The following NCAPD3 variants were observed in gnomAD, a reference collection of about 807,000 sequenced individuals.
The protein encoded by NCAPD3 is non-SMC condensin II complex subunit D3.
NCAPD3 carries 105 observed loss-of-function variants against 182.9 expected under a neutral mutation model. The observed-to-expected ratio is 0.57, with a 90% CI of 0.49 to 0.68. The LOEUF is 0.68. Among genes scored for constraint, NCAPD3 ranks in the 30% least tolerant of loss-of-function variants. The pLI is 0.00. For missense variants in NCAPD3, 1,944 were observed against 1,837.0 expected (o/e 1.06, Z -1.07); for synonymous variants, 815 against 679.9 (o/e 1.20, Z -3.09).
chr11:134,180,598 T>C (rs1022464197), intron 20 of NCAPD3, among the ~76,000 whole-genome samples: 1 of 152,216 alleles, frequency 6.6e-6, no homozygotes, highest in African/African-American at 2.4e-5. Flanking sequence ...GTCATCTGTG[T>C]TCTGAATTGT....
At chr11:134,209,781 T>C (rs563994866) in intron 4 of NCAPD3, 36 of 287,306 alleles carry the variant, frequency 1.3e-4, no homozygotes, top group African/African-American at 8.0e-4. Context: ...GGAATTAGGC[T>C]GGGTGTTGTG....
Position 134,153,474 on chromosome 11 carries a change from G to A in NCAPD3, c.4253-111C>T, listed in dbSNP as rs145409812. 7.5e-4 allele frequency: 837 copies of A among 1,119,692 alleles called. 5 individuals carry two copies. In the African/African-American group the frequency reaches 0.011, roughly 15 times the overall value. 69.4% of individuals were successfully genotyped at this position (1,119,692 alleles called of 1,614,324 possible). Reference sequence around the variant, plus strand: ...GTGTCCACATCAGTGTCCCAGCGGCGGCCCTCAGACCTCCACTGGACCCTG... The same window carrying A: ...GTGTCCACATCAGTGTCCCAGCGGCAGCCCTCAGACCTCCACTGGACCCTG... On this transcript the variant is annotated intron_variant, in intron 32 of 34. Transcript: ENST00000534548.
chr11:134,163,587 C>T (rs1943656421), intron 27 of NCAPD3, among the ~76,000 whole-genome samples: 1 of 151,632 alleles, frequency 6.6e-6, no homozygotes, highest in Admixed American at 6.6e-5. Context: ...GTAGTCCCAG[C>T]TACTAGGGAG....
intron 8 of NCAPD3, among the ~76,000 whole-genome samples, chr11:134,205,621 C>T (rs948109292): frequency 3.9e-5 from 6 of 152,140 alleles, no homozygotes; most frequent in African/African-American, 1.2e-4. Context: ...AGGTGATCCG[C>T]CCGCCTCGGC....
chr11:134,160,023 T>C lies in NCAPD3; in HGVS notation c.3736A>G (p.Lys1246Glu), dbSNP rs1224112698. The C allele has an allele frequency of 6.2e-7, 1 of 1,614,178 alleles. No individual in the cohort carries two copies. The highest frequency in any genetic ancestry group is 1.1e-5 in the South Asian group (1 of 91,076). Residue 1246 changes from lysine to glutamate, a missense_variant, in exon 29 of 35, where the codon AAA (lysine) becomes GAA (glutamate). By Grantham distance (56) the Lys-to-Glu change is moderately conservative. Transcript: ENST00000534548. ...DELKDFFAVD[K>E]QLASELEYDM... ...TACTCAAGCTCTGATGCCAGCTGTT[T>C]GTCAACTGCAAAGAAGTCCTTGAGC...
Position 134,192,576 on chromosome 11 carries a change from A to G in NCAPD3, c.2045+113T>C, listed in dbSNP as rs540810010. ...AGAGAGACCAATACTTAATCTTCACATACACTAAGTAATCTGGAAAGCTGA... is the reference window on the plus strand; with the variant it reads ...AGAGAGACCAATACTTAATCTTCACGTACACTAAGTAATCTGGAAAGCTGA... On this transcript the variant is annotated intron_variant, in intron 16 of 34. Coordinates refer to ENST00000534548, the MANE Select transcript of NCAPD3 (RefSeq NM_015261.3). 7 of 859,358 alleles carry G rather than the reference A, an allele frequency of 8.1e-6. No individual in the cohort carries two copies. The African/African-American group carries it at 1.2e-4, about 15-fold the overall frequency. 53.2% of individuals were successfully genotyped at this position (859,358 alleles called of 1,614,324 possible).
chr11:134,168,054 T>C lies in NCAPD3; in HGVS notation c.3515A>G (p.Asp1172Gly). Residue 1172 changes from aspartate (D) to glycine (G), a missense_variant, in exon 27 of 35, where the codon GAT becomes GGT. Asp to Gly is a moderately conservative substitution (Grantham distance 94). Coordinates refer to ENST00000534548, the MANE Select transcript of NCAPD3 (RefSeq NM_015261.3). ...KPDKDLLMEE[D>G]DMALANVVMQ... ...GACTACATTTGCCAAGGCCATGTCATCTTCTTCCATAAGGAGGTCTTTGTC... is the reference window on the plus strand; with the variant it reads ...GACTACATTTGCCAAGGCCATGTCACCTTCTTCCATAAGGAGGTCTTTGTC... 6.2e-7 allele frequency: 1 copy of C among 1,614,042 alleles called. No individual in the cohort carries two copies. Among genetic ancestry groups the C allele is most frequent in the Non-Finnish European group, 8.5e-7 (1 of 1,179,908 alleles).
chr11:134,173,119 C>A (rs1944057937), intron 24 of NCAPD3: 2 of 153,694 alleles, frequency 1.3e-5, no homozygotes, highest in South Asian at 1.8e-4. Flanking sequence ...CAGCTCTAGC[C>A]CCTGTGGCCA....
At chr11:134,216,869 A>G (rs1938046019) in intron 3 of NCAPD3, 67 bp downstream of exon 3, 4 of 1,454,566 alleles carry the variant, frequency 2.7e-6, no homozygotes, top group Non-Finnish European at 3.7e-6. Context: ...AACAAAGTAT[A>G]AGAATTGAAA....
chr11:134,163,263 T>C (rs1243638599), intron 27 of NCAPD3, among the ~76,000 whole-genome samples: 1 of 152,184 alleles, frequency 6.6e-6, no homozygotes, highest in African/African-American at 2.4e-5. Flanking sequence ...AACACTTCCA[T>C]GAGCTTTGAC....
chr11:134,182,865 G>A, intron 19 of NCAPD3: 2 of 279,418 alleles, frequency 7.2e-6, no homozygotes, highest in South Asian at 6.4e-5. Context: ...GGGTCACATG[G>A]ATTGAAAATA....
intron 23 of NCAPD3, 143 bp from the exon 24 acceptor site, chr11:134,176,529 G>A: frequency 1.5e-6 from 1 of 669,772 alleles, no homozygotes; most frequent in Admixed American, 2.4e-5. Context: ...CCGTCGGAAT[G>A]TAGTGCCGAG....
chr11:134,207,386 G>A (rs1484943191), intron 7 of NCAPD3, among the ~76,000 whole-genome samples: 1 of 151,884 alleles, frequency 6.6e-6, no homozygotes, highest in African/African-American at 2.4e-5. Flanking sequence ...AGCTGTCCAA[G>A]ATCAAATAAT....
intron 2 of NCAPD3, among the ~76,000 whole-genome samples, chr11:134,217,510 G>C (rs999988437): frequency 2.0e-5 from 3 of 152,074 alleles, no homozygotes; most frequent in African/African-American, 7.2e-5. Flanking sequence ...GGAAATCAGA[G>C]CCCTTTATTT....
intron 13 of NCAPD3, 47 bp downstream of exon 13, chr11:134,202,769 G>T: frequency 1.5e-6 from 2 of 1,368,744 alleles, no homozygotes; most frequent in Non-Finnish European, 2.0e-6. Flanking sequence ...ACGGTTGTCT[G>T]AAATCCAGCA....
rs1179398842 is a variant in NCAPD3 at position 134,220,627 on chromosome 11, G to C, written c.164C>G (p.Thr55Arg). 8 of 1,613,910 alleles carry C rather than the reference G, an allele frequency of 5.0e-6. No homozygotes were observed. Among genetic ancestry groups the C allele is most frequent in the Non-Finnish European group, 6.8e-6 (8 of 1,179,932 alleles). The stretch of plus-strand genomic sequence containing the variant: ...GGGTAAAAGGCTTTCATAGAGTTTT[G>C]TGAATGCAGCCAATCCAGTCTCTAT... ...EIIETGLAAF[T>R]KLYESLLPFA... The change falls in exon 2 of 35, where the codon ACA becomes AGA. Residue 55 changes from threonine to arginine, a missense_variant. This residue lies in a region of NCAPD3 where 131 missense variants were observed against 133.9 expected (regional missense o/e 0.98). Coordinates refer to ENST00000534548, the MANE Select transcript of NCAPD3 (RefSeq NM_015261.3).
rs1477501729 is a variant in NCAPD3 at position 134,157,089 on chromosome 11, G to A, written c.4181C>T (p.Ser1394Leu). 6.2e-7 allele frequency: 1 copy of A among 1,612,810 alleles called. No individual in the cohort carries two copies. Among genetic ancestry groups the A allele is most frequent in the Non-Finnish European group, 8.5e-7 (1 of 1,179,260 alleles). ...ATTCGACTCTTGCTCCAAACTGTAT[G>A]AAGACACTAGAACAGAAAAGGTGCT... ...SPEKTCSQVSSYSLEQESNGE... is the reference protein window; with the variant it reads ...SPEKTCSQVSLYSLEQESNGE... The change falls in exon 32 of 35, where the codon TCA becomes TTA. Residue 1394 changes from serine to leucine, a missense_variant. Coordinates refer to ENST00000534548, the MANE Select transcript of NCAPD3 (RefSeq NM_015261.3).
In NCAPD3 at chr11:134,156,996, C is replaced by T. The variant is rs374968863; in HGVS notation, c.4252+22G>A. ...GCAGGAGAGACTGAGGAGAAGCCCACGTGTTCCGATCAGTTACTCACTCTC... is the reference window on the plus strand; with the variant it reads ...GCAGGAGAGACTGAGGAGAAGCCCATGTGTTCCGATCAGTTACTCACTCTC... On this transcript the variant is annotated intron_variant, in intron 32 of 34. Transcript: ENST00000534548. The T allele has an allele frequency of 7.0e-5, 112 of 1,588,936 alleles. No individual in the cohort carries two copies. The African/African-American group carries it at 1.2e-3, about 18-fold the overall frequency.
At chr11:134,198,977 G>C (rs979218984) in intron 13 of NCAPD3, among the ~76,000 whole-genome samples, 3 of 152,110 alleles carry the variant, frequency 2.0e-5, no homozygotes, top group African/African-American at 7.2e-5. Context: ...GGTGTTCATG[G>C]ATTAGAGGAA....
Sources: allele counts gnomAD v4.1 joint callset (sites outside exome capture counted in the v4.1 genomes callset), GRCh38; gene constraint gnomAD v4.1.1; regional missense constraint gnomAD v4.1.1; transcripts MANE v1.5; gene names NCBI Gene and HGNC (gene_info 2026-07-23, HGNC 2026-07-21).